The following SCYL2 variants were observed in gnomAD, a reference collection of about 807,000 sequenced individuals.
SCYL2 encodes the protein SCY1-like protein 2.
Under a neutral mutation model 100.4 loss-of-function variants are expected in SCYL2, and 36 were observed. That is an observed-to-expected ratio of 0.36 (90% confidence interval 0.27 to 0.47). SCYL2 has a LOEUF of 0.47. Ranked by LOEUF, SCYL2 falls within the 20% of genes least tolerant of loss-of-function variation. The pLI, the probability that SCYL2 is intolerant of heterozygous loss-of-function variation, is 1.00. For missense variants in SCYL2, 902 were observed against 1,083.9 expected, an observed-to-expected ratio of 0.83 and a Z score of 2.36; for synonymous variants, 330 against 359.2, an observed-to-expected ratio of 0.92 and a Z score of 0.92.
chr12:100,276,959 A>G (rs1437678484), intron 1 of SCYL2, among the ~76,000 whole-genome samples: 1 of 152,062 alleles, frequency 6.6e-6, no homozygotes, highest in Non-Finnish European at 1.5e-5. Context: ...ATTCTCTTCA[A>G]AATATTTTAA....
intron 4 of SCYL2, among the ~76,000 whole-genome samples, chr12:100,305,169 A>G (rs1198822403): frequency 1.3e-5 from 2 of 152,234 alleles, no homozygotes; most frequent in East Asian, 1.9e-4. Context: ...AAACATCTAC[A>G]GCACTCTCCA....
intron 3 of SCYL2, among the ~76,000 whole-genome samples, chr12:100,297,594 G>A (rs2096322435): frequency 6.6e-6 from 1 of 152,076 alleles, no homozygotes; most frequent in Non-Finnish European, 1.5e-5. Context: ...CCTATTCCAG[G>A]GTCATCTGTG....
intron 3 of SCYL2, among the ~76,000 whole-genome samples, chr12:100,292,988 T>A (rs2135854255): frequency 6.6e-6 from 1 of 152,166 alleles, no homozygotes. Flanking sequence ...GCTAATTTTT[T>A]GATTTTTAAT....
chr12:100,272,095 G>A (rs1223517972), intron 1 of SCYL2, among the ~76,000 whole-genome samples: 3 of 152,062 alleles, frequency 2.0e-5, no homozygotes, highest in Non-Finnish European at 4.4e-5. Flanking sequence ...ATGGTAGAGA[G>A]ATACACAGTC....
intron 1 of SCYL2, among the ~76,000 whole-genome samples, chr12:100,279,984 G>A (rs1323932271): frequency 6.6e-6 from 1 of 152,194 alleles, no homozygotes; most frequent in Non-Finnish European, 1.5e-5. Context: ...TTGAATGCCA[G>A]TTTGTCCCTC....
intron 1 of SCYL2, among the ~76,000 whole-genome samples, chr12:100,276,098 A>G (rs2096292221): frequency 1.3e-5 from 2 of 152,174 alleles, no homozygotes; most frequent in African/African-American, 2.4e-5. Flanking sequence ...TTGGTTTGCA[A>G]TTTTATTGCC....
chr12:100,306,907 G>T (rs1307672025), intron 4 of SCYL2, among the ~76,000 whole-genome samples: 1 of 152,076 alleles, frequency 6.6e-6, no homozygotes, highest in East Asian at 1.9e-4. Flanking sequence ...GATACAAAGA[G>T]AATAAAATAC....
intron 4 of SCYL2, among the ~76,000 whole-genome samples, chr12:100,307,512 T>TA (rs1489656675): frequency 6.6e-6 from 1 of 152,144 alleles, no homozygotes; most frequent in Non-Finnish European, 1.5e-5. Flanking sequence ...ATTAAAGACT[T>TA]AAACATAAGA....
chr12:100,272,918 C>G (rs1385628623), intron 1 of SCYL2, among the ~76,000 whole-genome samples: 1 of 152,118 alleles, frequency 6.6e-6, no homozygotes, highest in Non-Finnish European at 1.5e-5. Flanking sequence ...ATAACTAGCA[C>G]CTTTGAAATA....
At chr12:100,271,879 G>C (rs2096288037) in intron 1 of SCYL2, among the ~76,000 whole-genome samples, 1 of 152,168 alleles carries the variant, frequency 6.6e-6, no homozygotes. Context: ...TCTTTGTTAA[G>C]CATAAATATA....
intron 8 of SCYL2, among the ~76,000 whole-genome samples, chr12:100,314,861 G>A (rs1276660381): frequency 2.0e-5 from 3 of 152,192 alleles, no homozygotes; most frequent in African/African-American, 4.8e-5. Context: ...TTAAAGGTCA[G>A]AAGAAGAGTC....
intron 10 of SCYL2, among the ~76,000 whole-genome samples, chr12:100,319,000 C>T (rs767948740): frequency 5.9e-5 from 9 of 152,180 alleles, no homozygotes; most frequent in Admixed American, 3.3e-4. Context: ...ATGTTAAGAA[C>T]ATCTCACTGC....
chr12:100,318,986 A>T (rs1401484611), intron 10 of SCYL2, among the ~76,000 whole-genome samples: 1 of 152,236 alleles, frequency 6.6e-6, no homozygotes, highest in Non-Finnish European at 1.5e-5. Context: ...GAAAATACAT[A>T]CTTATGTTAA....
chr12:100,288,449 G>C (rs980999503), intron 2 of SCYL2, among the ~76,000 whole-genome samples: 2 of 152,118 alleles, frequency 1.3e-5, no homozygotes, highest in Admixed American at 1.3e-4. Flanking sequence ...TGTCCAGCCA[G>C]TGTTTTCTTT....
At chr12:100,306,927 C>T (rs1341815869) in intron 4 of SCYL2, among the ~76,000 whole-genome samples, 1 of 152,092 alleles carries the variant, frequency 6.6e-6, no homozygotes, top group African/African-American at 2.4e-5. Flanking sequence ...CCTAGGAATA[C>T]AACTTACAAG....
intron 1 of SCYL2, among the ~76,000 whole-genome samples, chr12:100,271,916 A>G (rs76374406): frequency 0.017 from 2,602 of 152,324 alleles, 74 homozygotes; most frequent in African/African-American, 0.059. Flanking sequence ...TTCTTGCTGT[A>G]TCTAGAATTC....
chr12:100,317,822 A>G lies in SCYL2; in HGVS notation c.1292A>G (p.Gln431Arg), dbSNP rs377166518. 28 of 1,599,250 alleles carry G rather than the reference A, an allele frequency of 1.8e-5. No homozygotes were observed. The highest frequency in any genetic ancestry group is 8.9e-5 in the East Asian group (4 of 44,718). ...EPIQILLIFL[Q>R]KMDLLLTKTP... Reference sequence around the variant, plus strand: ...AAACAGATTTTGTTAATTTTCCTACAAAAAATGGATTTGCTACTAACCAAA... The same window carrying G: ...AAACAGATTTTGTTAATTTTCCTACGAAAAATGGATTTGCTACTAACCAAA... Residue 431 changes from glutamine to arginine, a missense_variant, in exon 10 of 18, where the codon CAA becomes CGA. By Grantham distance (43) the Gln-to-Arg change is conservative (BLOSUM62 1). Coordinates refer to ENST00000360820, the MANE Select transcript of SCYL2 (RefSeq NM_017988.6).
At chr12:100,293,919 T>C (rs1313942243) in intron 3 of SCYL2, among the ~76,000 whole-genome samples, 1 of 152,032 alleles carries the variant, frequency 6.6e-6, no homozygotes, top group Non-Finnish European at 1.5e-5. Context: ...AAGTCTCCCA[T>C]GTCTACTTCT....
At position 100,338,791 on chromosome 12, in the gene SCYL2, G is replaced by C; in HGVS notation, c.2409G>C (p.Val803=). 1 of 1,614,116 alleles carries C rather than the reference G, an allele frequency of 6.2e-7. No homozygotes were observed. Among genetic ancestry groups the C allele is most frequent in the Non-Finnish European group, 8.5e-7 (1 of 1,179,996 alleles). ...NFYSSPSTVG[V]TKMTLGTPPT... is the part of the protein sequence containing the mutation. ...ACAGTAGTCCAAGCACAGTTGGAGT[G>C]ACCAAGATGACTCTGGGAACACCTC... is the stretch of plus-strand genomic sequence containing the variant. Residue 803 remains valine (V), a synonymous_variant, in exon 18 of 18, where the codon GTG becomes GTC. Coordinates refer to ENST00000360820, the MANE Select transcript of SCYL2 (RefSeq NM_017988.6).
Sources: allele counts gnomAD v4.1 joint callset (sites outside exome capture counted in the v4.1 genomes callset), GRCh38; gene constraint gnomAD v4.1.1; transcripts MANE v1.5; gene names NCBI Gene and HGNC (gene_info 2026-07-23, HGNC 2026-07-21).